The following RHOBTB2 variants were observed in gnomAD, a reference collection of about 807,000 sequenced individuals.
The protein encoded by RHOBTB2 is Rho related BTB domain containing 2, also known as rho-related BTB domain-containing protein 2.
A neutral mutation model predicts 66.5 loss-of-function variants in RHOBTB2; 39 were observed. The observed-to-expected ratio is 0.59, with a 90% CI of 0.45 to 0.77. RHOBTB2 has a LOEUF of 0.77. Ranked by LOEUF, RHOBTB2 falls within the 30% of genes least tolerant of loss-of-function variation. RHOBTB2 has a pLI of 0.00. For missense variants in RHOBTB2, 755 were observed against 999.1 expected, an observed-to-expected ratio of 0.76 and a Z score of 3.29; for synonymous variants, 390 against 395.0, an observed-to-expected ratio of 0.99 and a Z score of 0.15.
chr8:22,971,889 C>A, the RHOBTB2 span, among the ~76,000 whole-genome samples: 1 of 152,158 alleles, frequency 6.6e-6, no homozygotes, highest in Non-Finnish European at 1.5e-5. Flanking sequence ...GTTGATTTAC[C>A]CCCTTGCTGG....
the RHOBTB2 span, among the ~76,000 whole-genome samples, chr8:22,982,140 C>G: frequency 6.6e-6 from 1 of 152,206 alleles, no homozygotes; most frequent in African/African-American, 2.4e-5. Context: ...AACCCAAGTG[C>G]AGGAAGACTC....
chr8:23,015,729 A>C lies in RHOBTB2; in HGVS notation c.1952A>C (p.Lys651Thr), dbSNP rs1811273075. ...TGCCGCAAGTTCCCCCGAGACATGA[A>C]GGCCATGTCCCCAGGTGAGCATCGG... ...NVCRKFPRDMKAMSPENQEYF... is the reference protein window; with the variant it reads ...NVCRKFPRDMTAMSPENQEYF... Residue 651 changes from lysine to threonine, a missense_variant, in exon 9 of 10, where the codon AAG becomes ACG. Lys to Thr is a moderately conservative substitution (Grantham distance 78). This residue lies in a region of RHOBTB2 where 353 missense variants were observed against 458.2 expected (regional missense o/e 0.77). Transcript: ENST00000251822. The C allele has an allele frequency of 1.9e-6, 3 of 1,612,368 alleles. No individual in the cohort carries two copies.
the RHOBTB2 span, among the ~76,000 whole-genome samples, chr8:22,973,442 C>G: frequency 6.6e-6 from 1 of 151,796 alleles, no homozygotes; most frequent in Non-Finnish European, 1.5e-5. Context: ...CTATGTTTCC[C>G]AGGCTGGTCT....
rs754029633 is a variant in RHOBTB2 at position 23,006,825 on chromosome 8, T to G, written c.580T>G (p.Phe194Val). ...CTATGAGACCAGCGTGGTGGCCCAG[T>G]TCGGCATCAAGGACGTCTTTGACAA... The part of the protein sequence containing the change: ...PYYETSVVAQ[F>V]GIKDVFDNAI... The change falls in exon 5 of 10, where the codon TTC (phenylalanine) becomes GTC (valine). Residue 194 changes from phenylalanine (F) to valine (V), a missense_variant. Physicochemically the swap from Phe to Val is conservative, Grantham distance 50. Around this residue, in one of 7 missense-constraint regions of RHOBTB2, gnomAD observed 35 missense variants for 38.1 expected, o/e 0.92. Coordinates refer to ENST00000251822, the MANE Select transcript of RHOBTB2 (RefSeq NM_015178.3). The surrounding 1 kb of genome is among the most constrained non-coding windows in gnomAD (Gnocchi z 6.1). The G allele has an allele frequency of 2.5e-6, 4 of 1,613,998 alleles. No individual in the cohort carries two copies. In the Admixed American group the frequency reaches 5.0e-5, roughly 20 times the overall value.
chr8:22,959,893 G>A, the RHOBTB2 span, among the ~76,000 whole-genome samples: 4 of 151,532 alleles, frequency 2.6e-5, no homozygotes, highest in African/African-American at 7.3e-5. Flanking sequence ...GCCGGGTGTG[G>A]TGGCTTATGT....
the RHOBTB2 span, among the ~76,000 whole-genome samples, chr8:22,968,248 CTTAG>C: frequency 8.5e-3 from 1,292 of 151,822 alleles, 3 homozygotes; most frequent in Non-Finnish European, 0.015. Flanking sequence ...TTTTAAAAAT[CTTAG>C]TTAAGCTAAA....
rs751137238 is a variant in RHOBTB2 at position 23,007,295 on chromosome 8, C to T, written c.1050C>T (p.Ser350=). Residue 350 remains serine (S), a synonymous_variant, in exon 5 of 10, where the codon AGC becomes AGT. Coordinates refer to ENST00000251822, the MANE Select transcript of RHOBTB2 (RefSeq NM_015178.3). ...CAGCCAGCTTTGACGTGTGCGAGAG[C>T]GTGGATGAGGCTGGGGGCTCCGGTC... is the stretch of plus-strand genomic sequence containing the variant. ...LRAASFDVCE[S]VDEAGGSGPA... 1.9e-6 allele frequency: 3 copies of T among 1,613,710 alleles called. No homozygotes were observed. The highest frequency in any genetic ancestry group is 2.2e-5 in the East Asian group (1 of 44,880).
Position 23,020,157 on chromosome 8 carries a change from A to T in RHOBTB2, c.*2688A>T. ...CTTTTTATATAAGGTTTCATATTTA[A>T]TTTGGTCATGGATTCATAAATACAT... On this transcript the variant is annotated 3_prime_UTR_variant, in exon 10 of 10. Transcript: ENST00000251822. The T allele has an allele frequency of 2.5e-6, 1 of 401,720 alleles. No individual in the cohort carries two copies. The allele number at this position is 401,720 out of a possible 1,614,324, so 24.9% of individuals were successfully genotyped here.
chr8:23,017,400 C>T lies in RHOBTB2; in HGVS notation c.2115C>T (p.Asn705=), dbSNP rs1268892813. 6.2e-7 allele frequency: 1 copy of T among 1,613,890 alleles called. No individual in the cohort carries two copies. The highest frequency in any genetic ancestry group is 8.5e-7 in the Non-Finnish European group (1 of 1,179,940). ...CCAAACGGCGTTGGCTCTTCTGGAA[C>T]AGTCCATCCTCCCCGTCTTCCTCGG... The part of the protein sequence containing the change: ...RQPKRRWLFW[N]SPSSPSSSAA... The change falls in exon 10 of 10, where the codon AAC becomes AAT. Residue 705 remains asparagine, a synonymous_variant. Transcript: ENST00000251822. This position sits in a 1 kb window ranked among gnomAD's most constrained non-coding sequence, Gnocchi z 5.3.
chr8:23,015,633 C>A lies in RHOBTB2; in HGVS notation c.1861-5C>A, dbSNP rs1484518646. The stretch of plus-strand genomic sequence containing the variant: ...AGTACAGACGTTCTTCCCTTCTGTC[C>A]CCAGTTCCACTGTGCGTACCAGCTG... On this transcript the variant is annotated splice_region_variant and splice_polypyrimidine_tract_variant and intron_variant, in intron 8 of 9. Transcript: ENST00000251822. 1.9e-6 allele frequency: 3 copies of A among 1,605,052 alleles called. No homozygotes were observed. Among genetic ancestry groups the A allele is most frequent in the African/African-American group, 2.7e-5 (2 of 74,740 alleles).
chr8:22,951,635 G>C, the RHOBTB2 span, among the ~76,000 whole-genome samples: 1 of 152,308 alleles, frequency 6.6e-6, no homozygotes, highest in Admixed American at 6.5e-5. Context: ...CAGTGGGGGA[G>C]ATTACAAAGA....
the RHOBTB2 span, among the ~76,000 whole-genome samples, chr8:22,955,946 C>G: frequency 6.6e-6 from 1 of 152,118 alleles, no homozygotes; most frequent in Non-Finnish European, 1.5e-5. Context: ...GAGCTTCCCC[C>G]CAAAGGCAGA....
chr8:22,975,697 G>C, the RHOBTB2 span, among the ~76,000 whole-genome samples: 1 of 152,188 alleles, frequency 6.6e-6, no homozygotes, highest in African/African-American at 2.4e-5. Context: ...GTGAAACCTG[G>C]AGAATGCAAC....
chr8:22,954,821 A>C, the RHOBTB2 span, among the ~76,000 whole-genome samples: 3 of 152,142 alleles, frequency 2.0e-5, no homozygotes, highest in East Asian at 5.8e-4. Context: ...TAAAACAAAA[A>C]CCTTTTCTTT....
chr8:22,952,721 T>A, the RHOBTB2 span, among the ~76,000 whole-genome samples: 3 of 151,978 alleles, frequency 2.0e-5, no homozygotes, highest in Non-Finnish European at 4.4e-5. Context: ...GCCTGACCAA[T>A]GTGGTGAAAG....
At chr8:23,007,917 A>C in intron 5 of RHOBTB2, 76 bp from the exon 6 acceptor site, 1 of 1,501,184 alleles carries the variant, frequency 6.7e-7, no homozygotes. Context: ...GTTCAGGAGG[A>C]GGCTCCGTGG....
chr8:22,978,884 G>A, the RHOBTB2 span, among the ~76,000 whole-genome samples: 2 of 151,962 alleles, frequency 1.3e-5, no homozygotes, highest in African/African-American at 2.4e-5. Flanking sequence ...TTCCTGTTAT[G>A]TTTTCTTATC....
intron 1 of RHOBTB2, among the ~76,000 whole-genome samples, chr8:23,000,605 G>T (rs1489516706): frequency 2.0e-5 from 3 of 152,142 alleles, no homozygotes; most frequent in African/African-American, 7.2e-5. Flanking sequence ...GTTTGAGGGG[G>T]CTTATCTGTG....
the RHOBTB2 span, among the ~76,000 whole-genome samples, chr8:22,971,180 C>A: frequency 4.7e-5 from 6 of 126,332 alleles, no homozygotes; most frequent in Non-Finnish European, 8.1e-5. Context: ...TTCCCTTTTT[C>A]CTTTTTCTGT....
Sources: gnomAD v4.1 joint callset for allele counts (sites outside exome capture counted in the v4.1 genomes callset) on GRCh38, gnomAD v4.1.1 for gene constraint, gnomAD v4.1.1 regional missense constraint, Gnocchi (gnomAD v3.1) non-coding constraint, MANE v1.5 for transcripts, NCBI Gene and HGNC (gene_info 2026-07-23, HGNC 2026-07-21) for gene names.